Variants in SLC3A1 observed in about 807,000 individuals in gnomAD.
SLC3A1 encodes solute carrier family 3 member 1, also known as amino acid transporter heavy chain SLC3A1.
SLC3A1 carries 78 observed loss-of-function variants against 60.3 expected under a neutral mutation model. That is an observed-to-expected ratio of 1.29 (90% CI 1.08 to 1.56). The LOEUF is 1.56. Ranked by LOEUF, SLC3A1 falls within the 40% of genes most tolerant of loss-of-function variation. The probability of loss-of-function intolerance (pLI) is 0.00; values close to 1 mark genes in which losing one functional copy is unlikely to be tolerated. For missense variants in SLC3A1, 1,172 were observed against 858.9 expected (o/e 1.36, Z -4.56); for synonymous variants, 392 against 307.9 (o/e 1.27, Z -2.86).
intron 9 of SLC3A1, chr2:44,317,978 A>ACCCAGC: frequency 7.1e-6 from 2 of 280,508 alleles, no homozygotes; most frequent in South Asian, 5.6e-5. Flanking sequence ...AAAGCTTGCA[A>ACCCAGC]CCCAGCTATA....
At chr2:44,290,123 C>CTTTT (rs34642873) in intron 4 of SLC3A1, among the ~76,000 whole-genome samples, 23 of 131,094 alleles carry the variant, frequency 1.8e-4, no homozygotes, top group Non-Finnish European at 3.0e-4. Context: ...AGCTGTCCGA[C>CTTTT]TTTTTTTTTT....
chr2:44,305,042 G>A (rs1038595116), intron 7 of SLC3A1, among the ~76,000 whole-genome samples: 2 of 151,878 alleles, frequency 1.3e-5, no homozygotes, highest in African/African-American at 4.8e-5. Flanking sequence ...TGTTGGCCAG[G>A]CTTGTCTTAA....
chr2:44,282,910 G>A (rs1431772319), intron 3 of SLC3A1, among the ~76,000 whole-genome samples: 2 of 151,994 alleles, frequency 1.3e-5, no homozygotes, highest in African/African-American at 2.4e-5. Context: ...CTCCCGCTTC[G>A]GCCTTGCAAA....
intron 4 of SLC3A1, among the ~76,000 whole-genome samples, chr2:44,290,365 A>G (rs574107842): frequency 7.9e-5 from 12 of 152,272 alleles, no homozygotes; most frequent in African/African-American, 2.9e-4. Flanking sequence ...TCGGGAAGTG[A>G]GAATCCTACA....
chr2:44,303,939 C>G, intron 6 of SLC3A1: 1 of 649,490 alleles, frequency 1.5e-6, no homozygotes, highest in South Asian at 1.7e-5. Flanking sequence ...CATAGTATTC[C>G]ATGGTGTGTA....
rs1246752456 is a variant in SLC3A1, at chr2:44,280,731, T to C, written c.446T>C (p.Leu149Pro). The change falls in exon 2 of 10, where the codon CTG (leucine) becomes CCG (proline). Residue 149 changes from leucine (L) to proline (P), a missense_variant. Coordinates refer to ENST00000260649, the MANE Select transcript of SLC3A1 (RefSeq NM_000341.4). ...TTTTCTTCAGGTATTCAAGATAAAC[T>C]GGACTACATCACAGCTTTAAATATA... ...NGDLKGIQDK[L>P]DYITALNIKT... The C allele has an allele frequency of 6.2e-7, 1 of 1,609,570 alleles. No individual in the cohort carries two copies. The highest frequency in any genetic ancestry group is 1.3e-5 in the African/African-American group (1 of 74,862).
At chr2:44,280,281 C>G (rs1671465961) in intron 1 of SLC3A1, among the ~76,000 whole-genome samples, 1 of 151,988 alleles carries the variant, frequency 6.6e-6, no homozygotes, top group South Asian at 2.1e-4. Context: ...CTCTGTCGCC[C>G]AGGCTAGAGT....
At position 44,301,463 on chromosome 2, in the gene SLC3A1, G is replaced by A. The variant is rs112820653; in HGVS notation, c.1136+336G>A. The A allele has an allele frequency of 8.8e-3, 4,213 of 480,184 alleles. 153 individuals carry two copies. Among genetic ancestry groups the A allele is most frequent in the African/African-American group, 0.075 (3,846 of 51,104 alleles). The allele number at this position is 480,184 out of a possible 1,614,324, so 29.7% of individuals were successfully genotyped here. A position where few individuals can be genotyped will look rare whatever the true frequency, so the allele number is the denominator to read the frequency against. On this transcript the variant is annotated intron_variant, in intron 6 of 9. Transcript: ENST00000260649. ...CTTTTTCAAAAACCAGTTCCAGGCC[G>A]GGCACAGTGGCTCACGCCTGTAAAC...
Position 44,301,181 on chromosome 2 carries a change from G to T in SLC3A1, c.1136+54G>T, listed in dbSNP as rs776844491. 5.6e-6 allele frequency: 9 copies of T among 1,608,456 alleles called. No individual in the cohort carries two copies. In the African/African-American group the frequency reaches 1.2e-4, roughly 22 times the overall value. ...TCCCAGGCTTAGTGTGTGATCTGCA[G>T]TGTATCCCTCACAACCAAGTGTATT... On this transcript the variant is annotated intron_variant, in intron 6 of 9. Coordinates refer to ENST00000260649, the MANE Select transcript of SLC3A1 (RefSeq NM_000341.4).
chr2:44,311,016 G>C (rs1270121197), intron 7 of SLC3A1, among the ~76,000 whole-genome samples: 1 of 152,064 alleles, frequency 6.6e-6, no homozygotes, highest in East Asian at 1.9e-4. Context: ...GGCTGGTTTA[G>C]AACTCCTGAG....
In SLC3A1 at chr2:44,275,768, G is replaced by A; in HGVS notation, c.233G>A (p.Gly78Asp). 6.2e-7 allele frequency: 1 copy of A among 1,614,260 alleles called. No homozygotes were observed. The highest frequency in any genetic ancestry group is 1.6e-4 in the Middle Eastern group (1 of 6,062). ...MPKEVLFQFS[G>D]QARYRIPREI... ...AAGGAGGTGCTGTTCCAGTTCTCTG[G>A]CCAGGCCCGCTACCGCATACCTCGG... is the stretch of plus-strand genomic sequence containing the variant. Residue 78 changes from glycine to aspartate, a missense_variant, in exon 1 of 10, where the codon GGC becomes GAC. By Grantham distance (94) the Gly-to-Asp change is moderately conservative. Transcript: ENST00000260649.
intron 9 of SLC3A1, chr2:44,318,086 C>A: frequency 7.1e-6 from 3 of 423,688 alleles, no homozygotes; most frequent in Non-Finnish European, 9.2e-6. Flanking sequence ...CTTAAAGGAT[C>A]TCAACACTGT....
intron 1 of SLC3A1, among the ~76,000 whole-genome samples, chr2:44,277,948 C>G (rs1671387119): frequency 6.6e-6 from 1 of 151,476 alleles, no homozygotes; most frequent in African/African-American, 2.4e-5. Context: ...TGATTGCCCT[C>G]TCTCCTTCTA....
At chr2:44,294,873 T>A (rs1464749621) in intron 4 of SLC3A1, among the ~76,000 whole-genome samples, 1 of 152,012 alleles carries the variant, frequency 6.6e-6, no homozygotes, top group Non-Finnish European at 1.5e-5. Flanking sequence ...ATTTATGACA[T>A]TTTCAAGATG....
intron 4 of SLC3A1, among the ~76,000 whole-genome samples, chr2:44,294,017 A>T (rs770383487): frequency 2.0e-5 from 3 of 152,188 alleles, no homozygotes; most frequent in Admixed American, 6.5e-5. Context: ...GTAAATAAAT[A>T]CTATTGTGAA....
At chr2:44,291,561 A>G (rs1671740355) in intron 4 of SLC3A1, among the ~76,000 whole-genome samples, 1 of 152,192 alleles carries the variant, frequency 6.6e-6, no homozygotes. Flanking sequence ...AGTAAATAAG[A>G]AATGCTGAGA....
At chr2:44,300,166 G>C in intron 5 of SLC3A1, 76 bp downstream of exon 5, 1 of 1,441,354 alleles carries the variant, frequency 6.9e-7, no homozygotes. Context: ...CTCAGCCTGA[G>C]ATACCAGTTA....
At chr2:44,296,751 A>G (rs898930009) in intron 4 of SLC3A1, among the ~76,000 whole-genome samples, 4 of 152,100 alleles carry the variant, frequency 2.6e-5, no homozygotes, top group African/African-American at 9.7e-5. Flanking sequence ...CTGTGTCCTC[A>G]CCCCAGTCTC....
intron 3 of SLC3A1, among the ~76,000 whole-genome samples, chr2:44,284,923 A>G (rs1264024980): frequency 1.3e-5 from 2 of 152,176 alleles, no homozygotes; most frequent in Non-Finnish European, 2.9e-5. Flanking sequence ...ATTACTAATG[A>G]TGATGTGTCT....
Sources: allele counts gnomAD v4.1 joint callset (sites outside exome capture counted in the v4.1 genomes callset), GRCh38; gene constraint gnomAD v4.1.1; transcripts MANE v1.5; gene names NCBI Gene and HGNC (gene_info 2026-07-23, HGNC 2026-07-21).